Variants in PLA1A observed in about 807,000 individuals in gnomAD.
PLA1A encodes the protein phospholipase A1 member A.
A neutral mutation model predicts 49.4 loss-of-function variants in PLA1A; 47 were observed. The ratio of observed to expected loss-of-function variants is 0.95; its 90% CI spans 0.75 to 1.21. The LOEUF (loss-of-function observed/expected upper bound fraction) is 1.21. Among genes scored for constraint, PLA1A ranks in the 50% most tolerant of loss-of-function variants. The probability of loss-of-function intolerance (pLI) is 0.00; values close to 1 mark genes in which losing one functional copy is unlikely to be tolerated. For synonymous variants in PLA1A, 224 were observed against 207.9 expected, an observed-to-expected ratio of 1.08 and a Z score of -0.67; for missense variants, 561 against 563.9, an observed-to-expected ratio of 0.99 and a Z score of 0.05.
intron 1 of PLA1A, among the ~76,000 whole-genome samples, chr3:119,603,154 T>C (rs1373367075): frequency 3.0e-5 from 4 of 134,586 alleles, no homozygotes; most frequent in Admixed American, 8.0e-5. Context: ...TGCACAGAGA[T>C]GTAACATGAC....
At chr3:119,617,039 G>A (rs564944560) in intron 6 of PLA1A, among the ~76,000 whole-genome samples, 3 of 152,336 alleles carry the variant, frequency 2.0e-5, no homozygotes, top group Admixed American at 6.5e-5. Flanking sequence ...TCTCAGCAAC[G>A]AGGTCTCAAG....
chr3:119,610,923 T>C (rs1402599610), intron 4 of PLA1A, among the ~76,000 whole-genome samples: 1 of 152,208 alleles, frequency 6.6e-6, no homozygotes, highest in South Asian at 2.1e-4. Flanking sequence ...CAGATTTTCT[T>C]CTAGGATTTT....
chr3:119,606,558 G>T (rs2082690871), intron 1 of PLA1A, among the ~76,000 whole-genome samples: 1 of 152,090 alleles, frequency 6.6e-6, no homozygotes, highest in Non-Finnish European at 1.5e-5. Flanking sequence ...TTCCTTCTCT[G>T]CTATTTTGTC....
intron 6 of PLA1A, among the ~76,000 whole-genome samples, chr3:119,617,299 G>C (rs943409602): frequency 3.3e-5 from 5 of 152,206 alleles, no homozygotes; most frequent in Non-Finnish European, 7.3e-5. Context: ...TCACTGCTGG[G>C]TAGGGTATAA....
chr3:119,608,745 C>A, intron 2 of PLA1A, 25 bp from the exon 3 acceptor site: 6 of 1,572,028 alleles, frequency 3.8e-6, no homozygotes, highest in Non-Finnish European at 5.2e-6. Context: ...GTAATTTTTC[C>A]ATTCTTTTTT....
At chr3:119,611,595 G>C (rs762747454) in intron 4 of PLA1A, among the ~76,000 whole-genome samples, 26 of 151,948 alleles carry the variant, frequency 1.7e-4, no homozygotes, top group Non-Finnish European at 3.8e-4. Context: ...TGTGTTCCTA[G>C]GTACTTTATT....
chr3:119,606,677 C>T, intron 1 of PLA1A, 97 bp from the exon 2 acceptor site: 2 of 840,600 alleles, frequency 2.4e-6, no homozygotes, highest in African/African-American at 1.7e-5. Context: ...TGCCTGCAGG[C>T]CCCTGTTTCT....
chr3:119,604,851 A>T (rs1234801535), intron 1 of PLA1A, among the ~76,000 whole-genome samples: 2 of 152,126 alleles, frequency 1.3e-5, no homozygotes, highest in Non-Finnish European at 1.5e-5. Context: ...GTCCTATTGT[A>T]AAAAAATGGA....
intron 9 of PLA1A, 115 bp downstream of exon 9, chr3:119,625,347 G>A: frequency 1.5e-6 from 1 of 679,438 alleles, no homozygotes. Context: ...CATGGGCCCA[G>A]CCGGCTTGGC....
At chr3:119,600,389 T>C (rs1009823696) in intron 1 of PLA1A, 16 of 702,846 alleles carry the variant, frequency 2.3e-5, no homozygotes, top group Non-Finnish European at 3.9e-5. Flanking sequence ...GATGCACAAG[T>C]CTTCCTCCAT....
chr3:119,600,187 A>G, intron 1 of PLA1A: 2 of 567,386 alleles, frequency 3.5e-6, no homozygotes, highest in Non-Finnish European at 6.3e-6. Context: ...CAAGGGCAGT[A>G]GCTGACCCAC....
chr3:119,624,447 G>A (rs751182004), intron 8 of PLA1A, among the ~76,000 whole-genome samples: 4 of 152,118 alleles, frequency 2.6e-5, no homozygotes, highest in East Asian at 1.9e-4. Context: ...AAAGATAGCC[G>A]TATATGATAG....
At chr3:119,617,406 C>G (rs543299863) in intron 6 of PLA1A, among the ~76,000 whole-genome samples, 1 of 151,922 alleles carries the variant, frequency 6.6e-6, no homozygotes, top group African/African-American at 2.4e-5. Context: ...CATCAACTCT[C>G]TATATATTCC....
chr3:119,623,717 CTTTTTTTTTT>C (rs35309675), intron 8 of PLA1A, among the ~76,000 whole-genome samples: 3 of 101,492 alleles, frequency 3.0e-5, no homozygotes, highest in African/African-American at 8.4e-5. Flanking sequence ...TTCTCTCTTT[CTTTTTTTTTT>C]TTTTTTTTTT....
chr3:119,598,499 CA>C (rs1177749911), intron 1 of PLA1A: 2 of 152,446 alleles, frequency 1.3e-5, no homozygotes, highest in Admixed American at 1.3e-4. Flanking sequence ...AAACTTCCCT[CA>C]GATGCCAATT....
At chr3:119,599,487 G>A (rs952913012) in intron 1 of PLA1A, among the ~76,000 whole-genome samples, 8 of 152,162 alleles carry the variant, frequency 5.3e-5, no homozygotes, top group Non-Finnish European at 7.3e-5. Context: ...GCATTTGCTA[G>A]TTGTCCTGAT....
chr3:119,624,100 AC>A (rs2082984057), intron 8 of PLA1A, among the ~76,000 whole-genome samples: 2 of 152,290 alleles, frequency 1.3e-5, no homozygotes, highest in South Asian at 4.1e-4. Flanking sequence ...TGGGTAACTT[AC>A]AAAGCTCAGA....
At position 119,619,868 on chromosome 3, in the gene PLA1A, C is replaced by T. The variant is rs114859562; in HGVS notation, c.1012+216C>T. Among the ~76,000 whole-genome samples, 1,049 of 152,310 alleles carry T rather than the reference C, an allele frequency of 6.9e-3. 11 individuals are homozygous for T. Among genetic ancestry groups the T allele is most frequent in the African/African-American group, 0.023 (975 of 41,562 alleles). ...GGCTTCTTACTGTCTATCTACTGAT[C>T]GTATTTCCTCTTACCCTCAAAATTT... On this transcript the variant is annotated intron_variant, in intron 8 of 10. Coordinates refer to ENST00000273371, the MANE Select transcript of PLA1A (RefSeq NM_015900.4).
At chr3:119,622,797 G>A (rs2107798472) in intron 8 of PLA1A, among the ~76,000 whole-genome samples, 1 of 151,936 alleles carries the variant, frequency 6.6e-6, no homozygotes, top group Middle Eastern at 3.4e-3. Context: ...AAAGGACAGT[G>A]TGTTAGGGAA....
Sources: allele counts gnomAD v4.1 joint callset (sites outside exome capture counted in the v4.1 genomes callset), GRCh38; gene constraint gnomAD v4.1.1; transcripts MANE v1.5; gene names NCBI Gene and HGNC (gene_info 2026-07-23, HGNC 2026-07-21).